The following CAMKMT variants were observed in gnomAD, a reference collection of about 807,000 sequenced individuals.
The protein encoded by CAMKMT is calmodulin-lysine N-methyltransferase.
A neutral mutation model predicts 48.0 loss-of-function variants in CAMKMT; 53 were observed. The observed-to-expected ratio is 1.10, with a 90% CI of 0.89 to 1.39. The LOEUF is 1.39. CAMKMT is among the 40% of genes most tolerant of loss of function. The pLI, the probability that CAMKMT is intolerant of heterozygous loss-of-function variation, is 0.00. For missense variants in CAMKMT, 428 were observed against 402.7 expected, an observed-to-expected ratio of 1.06 and a Z score of -0.54; for synonymous variants, 165 against 152.3, an observed-to-expected ratio of 1.08 and a Z score of -0.61.
intron 3 of CAMKMT, among the ~76,000 whole-genome samples, chr2:44,481,613 T>C (rs1290751019): frequency 3.3e-5 from 5 of 152,060 alleles, no homozygotes; most frequent in Admixed American, 2.6e-4. Flanking sequence ...AATTTGTAAA[T>C]TTTTACAAAG....
At chr2:44,469,978 C>A (rs1359973518) in intron 3 of CAMKMT, among the ~76,000 whole-genome samples, 1 of 151,460 alleles carries the variant, frequency 6.6e-6, no homozygotes, top group East Asian at 1.9e-4. Context: ...TTCTTAATTT[C>A]TTCTAGCTTG....
chr2:44,691,246 C>T (rs545811906), intron 3 of CAMKMT, among the ~76,000 whole-genome samples: 2 of 152,282 alleles, frequency 1.3e-5, no homozygotes, highest in Admixed American at 6.5e-5. Flanking sequence ...GCAGTGCTTC[C>T]GTATCCTCTG....
rs78543274 is a variant in CAMKMT at position 44,706,843 on chromosome 2, G to A, written c.492+502G>A. Among the ~76,000 whole-genome samples, 5 of 152,138 alleles carry A rather than the reference G, an allele frequency of 3.3e-5. No homozygotes were observed. In the East Asian group the frequency reaches 9.7e-4, roughly 29 times the overall value. ...GAGTCATGTATTCAGGAGATATTAT[G>A]TAGCAGCACAGTGCATTAGACAAGT... On this transcript the variant is annotated intron_variant, in intron 5 of 10. Coordinates refer to ENST00000378494, the MANE Select transcript of CAMKMT (RefSeq NM_024766.5).
At chr2:44,491,780 G>T (rs2104714656) in intron 3 of CAMKMT, among the ~76,000 whole-genome samples, 1 of 152,166 alleles carries the variant, frequency 6.6e-6, no homozygotes, top group East Asian at 1.9e-4. Context: ...TAACCAGAAT[G>T]GGCCCTTTTT....
At chr2:44,761,215 G>A (rs577086304) in intron 9 of CAMKMT, among the ~76,000 whole-genome samples, 1 of 152,308 alleles carries the variant, frequency 6.6e-6, no homozygotes, top group South Asian at 2.1e-4. Flanking sequence ...GAGTAACCAG[G>A]CAGACAGAGA....
chr2:44,372,944 A>G, intron 2 of CAMKMT, 56 bp downstream of exon 2: 2 of 1,414,654 alleles, frequency 1.4e-6, no homozygotes, highest in African/African-American at 1.4e-5. Context: ...TGGATAAGAA[A>G]AACAATCTAA....
intron 1 of CAMKMT, among the ~76,000 whole-genome samples, chr2:44,364,395 T>TGG (rs145093007): frequency 0.01 from 1,527 of 152,300 alleles, 13 homozygotes; most frequent in Non-Finnish European, 0.016. Context: ...CTAATGCCTC[T>TGG]GGGCTAAGTT....
intron 1 of CAMKMT, among the ~76,000 whole-genome samples, chr2:44,370,439 A>T (rs1399579088): frequency 2.0e-5 from 3 of 152,120 alleles, no homozygotes; most frequent in Non-Finnish European, 4.4e-5. Context: ...TTTCATCTAA[A>T]TTTTTAAAGT....
chr2:44,636,889 C>G (rs1336433516), intron 3 of CAMKMT, among the ~76,000 whole-genome samples: 1 of 152,134 alleles, frequency 6.6e-6, no homozygotes, highest in Non-Finnish European at 1.5e-5. Context: ...GCAAATGCAC[C>G]TTTCTCTTGC....
At chr2:44,493,012 G>T (rs1669583967) in intron 3 of CAMKMT, among the ~76,000 whole-genome samples, 1 of 151,482 alleles carries the variant, frequency 6.6e-6, no homozygotes, top group Non-Finnish European at 1.5e-5. Context: ...TCCTGCCTCA[G>T]CCTCCTGAGT....
intron 3 of CAMKMT, among the ~76,000 whole-genome samples, chr2:44,646,403 T>A (rs1320394512): frequency 1.3e-5 from 2 of 152,274 alleles, no homozygotes; most frequent in African/African-American, 4.8e-5. Context: ...ACCTGTCTCA[T>A]AACGTTACAG....
At chr2:44,474,237 G>C (rs1302509969) in intron 3 of CAMKMT, among the ~76,000 whole-genome samples, 1 of 152,062 alleles carries the variant, frequency 6.6e-6, no homozygotes, top group Admixed American at 6.6e-5. Flanking sequence ...CCTGAGGTTA[G>C]GAGTTCATGA....
intron 3 of CAMKMT, among the ~76,000 whole-genome samples, chr2:44,454,180 G>T (rs1667440851): frequency 6.6e-6 from 1 of 152,098 alleles, no homozygotes; most frequent in Non-Finnish European, 1.5e-5. Context: ...GGGTAAGTCA[G>T]AGTGAGTTAT....
At chr2:44,522,925 C>T (rs970381282) in intron 3 of CAMKMT, among the ~76,000 whole-genome samples, 1 of 152,122 alleles carries the variant, frequency 6.6e-6, no homozygotes, top group South Asian at 2.1e-4. Context: ...TTATTAAGTA[C>T]ATTTCCTTTT....
intron 6 of CAMKMT, among the ~76,000 whole-genome samples, chr2:44,707,985 T>G (rs1402791690): frequency 6.6e-6 from 1 of 152,130 alleles, no homozygotes; most frequent in African/African-American, 2.4e-5. Context: ...AGGATTTTAT[T>G]TAGGATTATA....
At chr2:44,521,427 C>T (rs1017034412) in intron 3 of CAMKMT, among the ~76,000 whole-genome samples, 32 of 152,134 alleles carry the variant, frequency 2.1e-4, no homozygotes, top group African/African-American at 7.5e-4. Context: ...TGCAGGTGTG[C>T]ACCACCACAC....
At chr2:44,670,807 C>T (rs1340187618) in intron 3 of CAMKMT, among the ~76,000 whole-genome samples, 1 of 152,168 alleles carries the variant, frequency 6.6e-6, no homozygotes, top group Non-Finnish European at 1.5e-5. Context: ...ATCCAGGAAC[C>T]ACACTTTAAG....
intron 3 of CAMKMT, among the ~76,000 whole-genome samples, chr2:44,677,422 G>A (rs1365808086): frequency 6.6e-6 from 1 of 152,192 alleles, no homozygotes; most frequent in Non-Finnish European, 1.5e-5. Context: ...GGGCATGCAA[G>A]CAATTAAATC....
intron 3 of CAMKMT, among the ~76,000 whole-genome samples, chr2:44,675,362 A>G (rs1675623359): frequency 6.6e-6 from 1 of 152,118 alleles, no homozygotes; most frequent in Non-Finnish European, 1.5e-5. Flanking sequence ...AATCTTTCAC[A>G]TGGTTGACCT....
Sources: allele counts gnomAD v4.1 joint callset (sites outside exome capture counted in the v4.1 genomes callset), GRCh38; gene constraint gnomAD v4.1.1; transcripts MANE v1.5; gene names NCBI Gene and HGNC (gene_info 2026-07-23, HGNC 2026-07-21).